Variants in ZC3H15 observed in about 807,000 individuals in gnomAD.
The protein encoded by ZC3H15 is zinc finger CCCH-type containing 15.
In ZC3H15, 15 loss-of-function variants were observed where a neutral mutation model predicts 51.2. That is an observed-to-expected ratio of 0.29 (90% confidence interval 0.20 to 0.45). The LOEUF (loss-of-function observed/expected upper bound fraction) is 0.45, where lower values mean the gene tolerates loss of function less well. Among genes scored for constraint, ZC3H15 ranks in the 20% least tolerant of loss-of-function variants. The pLI is 1.00. For missense variants in ZC3H15, 381 were observed against 494.7 expected (o/e 0.77, Z 2.18); for synonymous variants, 144 against 162.8 (o/e 0.88, Z 0.88).
chr2:186,486,511 C>T (rs1464803632), intron 1 of ZC3H15, 54 bp downstream of exon 1: 4 of 1,501,026 alleles, frequency 2.7e-6, no homozygotes, highest in Non-Finnish European at 3.6e-6. Context: ...AAAGCCACTT[C>T]CCCGCTCCGG....
chr2:186,495,469 C>T (rs780929379), intron 2 of ZC3H15, 135 bp downstream of exon 2: 55 of 567,308 alleles, frequency 9.7e-5, no homozygotes, highest in Admixed American at 4.7e-4. Context: ...TGCACCTTGG[C>T]CTTCCTTACC....
rs757831704 is a variant in ZC3H15 at position 186,495,312 on chromosome 2, T to G, written c.155T>G (p.Phe52Cys). Residue 52 changes from phenylalanine to cysteine, a missense_variant, in exon 2 of 10, where the codon TTT becomes TGT. Transcript: ENST00000337859. ...FIKAVTHQVKFGQQNPRQVAQ... is the reference protein window; with the variant it reads ...FIKAVTHQVKCGQQNPRQVAQ... Reference sequence around the variant, plus strand: ...AAGGCTGTCACACATCAAGTTAAATTTGGTCAACAAAATCCACGTCAGGTA... The same window carrying G: ...AAGGCTGTCACACATCAAGTTAAATGTGGTCAACAAAATCCACGTCAGGTA... The G allele has an allele frequency of 4.2e-5, 65 of 1,542,784 alleles. 1 individual carries two copies. In the South Asian group the frequency reaches 7.4e-4, roughly 18 times the overall value.
chr2:186,500,647 A>C (rs62200583), intron 3 of ZC3H15: 1 of 477,080 alleles, frequency 2.1e-6, no homozygotes, highest in African/African-American at 2.0e-5. Context: ...ATGTATGTTC[A>C]TTTCTTTTTT....
chr2:186,501,675 C>G (rs771053559), intron 4 of ZC3H15, among the ~76,000 whole-genome samples: 1 of 151,920 alleles, frequency 6.6e-6, no homozygotes, highest in African/African-American at 2.4e-5. Context: ...ACTACCTGCT[C>G]ATTTATCCAA....
intron 8 of ZC3H15, chr2:186,506,043 A>C: frequency 1.5e-6 from 1 of 676,210 alleles, no homozygotes; most frequent in South Asian, 1.6e-5. Context: ...GTTTGTGAGA[A>C]TTAATCGAGT....
chr2:186,502,403 G>C, intron 4 of ZC3H15, 93 bp from the exon 5 acceptor site: 1 of 1,033,708 alleles, frequency 9.7e-7, no homozygotes, highest in Non-Finnish European at 1.4e-6. Flanking sequence ...GTTAAGCCAT[G>C]AGTCTTATAA....
chr2:186,491,797 T>G (rs765937088), intron 1 of ZC3H15, among the ~76,000 whole-genome samples: 1 of 152,128 alleles, frequency 6.6e-6, no homozygotes, highest in African/African-American at 2.4e-5. Context: ...TCAGGGGTTA[T>G]GTTTATGTTT....
At chr2:186,501,183 A>G in intron 3 of ZC3H15, 90 bp from the exon 4 acceptor site, 1 of 1,380,752 alleles carries the variant, frequency 7.2e-7, no homozygotes, top group South Asian at 2.0e-5. Context: ...ATGGAAAATA[A>G]GTTAACCAAA....
At chr2:186,488,146 A>G (rs1354274523) in intron 1 of ZC3H15, among the ~76,000 whole-genome samples, 1 of 152,106 alleles carries the variant, frequency 6.6e-6, no homozygotes, top group African/African-American at 2.4e-5. Context: ...TGTTTTCTAC[A>G]TTTAATATAT....
chr2:186,497,982 C>T (rs959129621), intron 2 of ZC3H15, among the ~76,000 whole-genome samples: 2 of 152,120 alleles, frequency 1.3e-5, no homozygotes, highest in South Asian at 2.1e-4. Flanking sequence ...ACTGCTGTCT[C>T]CCCTCAGGTA....
chr2:186,507,620 TGAA>T (rs1245512844), intron 9 of ZC3H15: 1 of 345,916 alleles, frequency 2.9e-6, no homozygotes, highest in African/African-American at 2.1e-5. Context: ...GTTAGGTACT[TGAA>T]GAAAGGGGTA....
chr2:186,497,521 C>T (rs1390403790), intron 2 of ZC3H15, among the ~76,000 whole-genome samples: 2 of 152,190 alleles, frequency 1.3e-5, no homozygotes, highest in African/African-American at 4.8e-5. Flanking sequence ...TTTTTTGTTA[C>T]ATGATCCTTA....
rs767548895 is a variant in ZC3H15 at position 186,486,363 on chromosome 2, C to T, written c.-20C>T. On this transcript the variant is annotated 5_prime_UTR_variant, in exon 1 of 10. Transcript: ENST00000337859. ...GTATTCAGCTGCGCGTAAGTCTGGCCGGTGCCATCTGTCTCCGCAATGCCC... is the reference window on the plus strand; with the variant it reads ...GTATTCAGCTGCGCGTAAGTCTGGCTGGTGCCATCTGTCTCCGCAATGCCC... 5 of 1,528,266 alleles carry T rather than the reference C, an allele frequency of 3.3e-6. No individual in the cohort carries two copies. Among genetic ancestry groups the T allele is most frequent in the Middle Eastern group, 1.7e-4 (1 of 5,890 alleles). 94.7% of individuals were successfully genotyped at this position (1,528,266 alleles called of 1,614,324 possible).
At chr2:186,506,138 T>C in intron 8 of ZC3H15, 1 of 430,456 alleles carries the variant, frequency 2.3e-6, no homozygotes, top group South Asian at 2.2e-5. Context: ...AAAAAGTATG[T>C]TTTGTCCTCC....
chr2:186,486,652 C>T (rs568328465), intron 1 of ZC3H15, among the ~76,000 whole-genome samples, 195 bp downstream of exon 1: 3 of 152,334 alleles, frequency 2.0e-5, no homozygotes, highest in African/African-American at 7.2e-5. Context: ...CTGGCGCCCC[C>T]GCACCTGGGC....
chr2:186,505,403 A>T, intron 6 of ZC3H15, 48 bp from the exon 7 acceptor site: 2 of 1,508,220 alleles, frequency 1.3e-6, no homozygotes, highest in South Asian at 2.8e-5. Context: ...ACTAAGCACT[A>T]TTTGAGGTGA....
intron 1 of ZC3H15, among the ~76,000 whole-genome samples, chr2:186,486,678 A>G (rs1458034410): frequency 5.9e-5 from 9 of 152,134 alleles, no homozygotes; most frequent in Non-Finnish European, 1.2e-4. Flanking sequence ...CTCTCCGCCC[A>G]CACGCCCGTG....
chr2:186,500,604 CTG>C, intron 3 of ZC3H15: 1 of 513,844 alleles, frequency 1.9e-6, no homozygotes, highest in Non-Finnish European at 3.8e-6. Flanking sequence ...GTTGAATAAA[CTG>C]TACGTCCCAA....
chr2:186,503,175 T>A (rs1237370635), intron 5 of ZC3H15, among the ~76,000 whole-genome samples: 1 of 152,146 alleles, frequency 6.6e-6, no homozygotes, highest in African/African-American at 2.4e-5. Flanking sequence ...ACACATCTGT[T>A]ATGTTTGTTT....
Sources: gnomAD v4.1 joint callset for allele counts (sites outside exome capture counted in the v4.1 genomes callset) on GRCh38, gnomAD v4.1.1 for gene constraint, MANE v1.5 for transcripts, NCBI Gene and HGNC (gene_info 2026-07-23, HGNC 2026-07-21) for gene names.